The following SLC66A1 variants were observed in gnomAD, a reference collection of about 807,000 sequenced individuals.
SLC66A1 encodes lysosomal amino acid transporter 1 homolog.
In SLC66A1, 23 loss-of-function variants were observed where a neutral mutation model predicts 33.0. The ratio of observed to expected loss-of-function variants is 0.70; its 90% CI spans 0.50 to 0.99. The LOEUF is 0.99. Ranked by LOEUF, SLC66A1 falls within the 50% of genes least tolerant of loss-of-function variation. The probability of loss-of-function intolerance (pLI) is 0.00; values close to 1 mark genes in which losing one functional copy is unlikely to be tolerated. For missense variants in SLC66A1, 335 were observed against 383.6 expected (o/e 0.87, Z 1.06); for synonymous variants, 164 against 175.5 (o/e 0.93, Z 0.52).
Position 19,327,413 on chromosome 1 carries a change from G to C in SLC66A1, c.804+1G>C. 6.3e-7 allele frequency: 1 copy of C among 1,586,362 alleles called. No homozygotes were observed. ...GGGCGTGCTGCTGCTCGACACCATC[G>C]TATCCTTCAGGGCGTGTGGGGCAGG... On this transcript the variant is annotated splice_donor_variant, in intron 7 of 7. Coordinates refer to ENST00000375153, the MANE Select transcript of SLC66A1 (RefSeq NM_001040125.2). LOFTEE classifies it high-confidence loss of function.
intron 1 of SLC66A1, among the ~76,000 whole-genome samples, chr1:19,315,605 A>T (rs1329017443): frequency 3.3e-5 from 5 of 152,218 alleles, no homozygotes; most frequent in Non-Finnish European, 5.9e-5. Flanking sequence ...GAATGAAGGC[A>T]GCTAGAGACA....
Position 19,328,030 on chromosome 1 carries a change from C to A in SLC66A1, c.805-542C>A, listed in dbSNP as rs1436010856. On this transcript the variant is annotated intron_variant, in intron 7 of 7. Transcript: ENST00000375153. The surrounding 1 kb of genome is among the most constrained non-coding windows in gnomAD (Gnocchi z 4.7). ...TCACCTCAGTTAACAGCCACTGTCT[C>A]GTCAGGATGTTGTGTAAGATGAGGT... 1 of 245,936 alleles carries A rather than the reference C, an allele frequency of 4.1e-6. No individual in the cohort carries two copies. Among genetic ancestry groups the A allele is most frequent in the Non-Finnish European group, 8.1e-6 (1 of 123,252 alleles). The allele number at this position is 245,936 out of a possible 1,614,324, so 15.2% of individuals were successfully genotyped here.
At chr1:19,320,506 C>T (rs1219328406) in intron 2 of SLC66A1, among the ~76,000 whole-genome samples, 7 of 149,360 alleles carry the variant, frequency 4.7e-5, no homozygotes, top group Non-Finnish European at 8.9e-5. Context: ...CTCTGCCTTC[C>T]GGGTTCACGC....
chr1:19,327,194 C>T (rs370657973), intron 6 of SLC66A1, 33 bp from the exon 7 acceptor site: 38 of 1,564,478 alleles, frequency 2.4e-5, no homozygotes, highest in African/African-American at 9.5e-5. Flanking sequence ...GAGGCCTGTT[C>T]GAGGTCTCTG....
chr1:19,326,225 T>TC lies in SLC66A1; in HGVS notation c.383-15dup. On this transcript the variant is annotated intron_variant, in intron 4 of 7. Transcript: ENST00000375153. ...GCCACTCAGCCATCTAACCTCAGCT[T>TC]CCCCCTGCCTTGTGTGCAGTGTCTG... is the stretch of plus-strand genomic sequence containing the variant. 1 of 1,587,058 alleles carries TC rather than the reference T, an allele frequency of 6.3e-7. No individual in the cohort carries two copies. The highest frequency in any genetic ancestry group is 8.6e-7 in the Non-Finnish European group (1 of 1,169,548).
chr1:19,326,267 G>C lies in SLC66A1; in HGVS notation c.405G>C (p.Val135=). ...CAGTGTCTGCCCCCATCAACTCCGT[G>C]CTGTTGTTCCTCATGGGGATGGCGT... The part of the protein sequence containing the change: ...PSLLSAPINS[V]LLFLMGMACA... Residue 135 remains valine (V), a synonymous_variant, in exon 5 of 8, where the codon GTG becomes GTC. Coordinates refer to ENST00000375153, the MANE Select transcript of SLC66A1 (RefSeq NM_001040125.2). The C allele has an allele frequency of 6.2e-7, 1 of 1,606,022 alleles. No individual in the cohort carries two copies. The highest frequency in any genetic ancestry group is 2.2e-5 in the East Asian group (1 of 44,872).
In SLC66A1 at chr1:19,312,372, G is replaced by A. The variant is rs930411235; in HGVS notation, c.-596G>A. 3 of 243,648 alleles carry A rather than the reference G, an allele frequency of 1.2e-5. 1 individual carries two copies. The highest frequency in any genetic ancestry group is 2.3e-5 in the Non-Finnish European group (3 of 129,370). 15.1% of individuals were successfully genotyped at this position (243,648 alleles called of 1,614,324 possible). On this transcript the variant is annotated 5_prime_UTR_variant, in exon 1 of 8. Coordinates refer to ENST00000375153, the MANE Select transcript of SLC66A1 (RefSeq NM_001040125.2). ...GATCTGGACGTGGTGAGCCGGACCGGGGGCAGGTGGCAAACTTCACGGCTG... is the reference window on the plus strand; with the variant it reads ...GATCTGGACGTGGTGAGCCGGACCGAGGGCAGGTGGCAAACTTCACGGCTG...
At chr1:19,325,631 G>T (rs775455428) in intron 4 of SLC66A1, 49 bp downstream of exon 4, 1 of 1,063,688 alleles carries the variant, frequency 9.4e-7, no homozygotes, top group Non-Finnish European at 1.4e-6. Context: ...GCAGCAGGGG[G>T]CAGTTGTGGG....
chr1:19,327,143 G>T, intron 6 of SLC66A1, 84 bp from the exon 7 acceptor site: 1 of 1,330,104 alleles, frequency 7.5e-7, no homozygotes, highest in Admixed American at 1.8e-5. Context: ...CACTGTGGTG[G>T]GGCAGGTGGA....
chr1:19,326,889 T>C (rs1421411178), intron 6 of SLC66A1, among the ~76,000 whole-genome samples: 1 of 151,332 alleles, frequency 6.6e-6, no homozygotes, highest in Non-Finnish European at 1.5e-5. Flanking sequence ...GGTGAGGGGC[T>C]GAGCTTGGAG....
Position 19,328,987 on chromosome 1 carries a change from T to C in SLC66A1, c.*344T>C. 2.8e-6 allele frequency: 1 copy of C among 355,948 alleles called. No homozygotes were observed. The highest frequency in any genetic ancestry group is 5.2e-6 in the Non-Finnish European group (1 of 192,656). The allele number at this position is 355,948 out of a possible 1,614,324, so 22.0% of individuals were successfully genotyped here. A position where few individuals can be genotyped will look rare whatever the true frequency, so the allele number is the denominator to read the frequency against. ...AACTGAATAAACAGGCCGGGTACAG[T>C]GGCTCGCACCTGTAATCCTAGCACT... On this transcript the variant is annotated 3_prime_UTR_variant, in exon 8 of 8. Transcript: ENST00000375153. This position sits in a 1 kb window ranked among gnomAD's most constrained non-coding sequence, Gnocchi z 4.7.
intron 4 of SLC66A1, 55 bp downstream of exon 4, chr1:19,325,637 GT>G (rs66513267): frequency 0.064 from 44,044 of 684,232 alleles, 65 homozygotes; most frequent in East Asian, 0.17. Flanking sequence ...GGGGGCAGTT[GT>G]GGGGGGGGGC....
intron 3 of SLC66A1, 146 bp downstream of exon 3, chr1:19,324,908 T>TGG: frequency 8.5e-7 from 1 of 1,178,036 alleles, no homozygotes; most frequent in Non-Finnish European, 1.2e-6. Context: ...CCCATCCTTC[T>TGG]GTCTGCCGAA....
intron 3 of SLC66A1, 46 bp downstream of exon 3, chr1:19,324,808 C>T: frequency 1.2e-6 from 2 of 1,604,498 alleles, no homozygotes; most frequent in Non-Finnish European, 1.7e-6. Flanking sequence ...AACCCTGCTT[C>T]ACCCTGCAGG....
At chr1:19,320,974 A>T (rs144547615) in intron 2 of SLC66A1, among the ~76,000 whole-genome samples, 1 of 149,436 alleles carries the variant, frequency 6.7e-6, no homozygotes, top group Non-Finnish European at 1.5e-5. Context: ...CAGCCTCCCA[A>T]AGTGCTGAGA....
At position 19,317,684 on chromosome 1, in the gene SLC66A1, T is replaced by C. The variant is rs2093812955; in HGVS notation, c.7T>C (p.Trp3Arg). MV[W>R]KKLGSRNFSS... Reference sequence around the variant, plus strand: ...GGGCCCCTCCTCCACAGCCATGGTCTGGAAGAAACTGGGCTCCCGCAACTT... The same window carrying C: ...GGGCCCCTCCTCCACAGCCATGGTCCGGAAGAAACTGGGCTCCCGCAACTT... The change falls in exon 2 of 8, where the codon TGG (tryptophan) becomes CGG (arginine). Residue 3 changes from tryptophan to arginine, a missense_variant. Physicochemically the swap from Trp to Arg is moderately radical, Grantham distance 101. Coordinates refer to ENST00000375153, the MANE Select transcript of SLC66A1 (RefSeq NM_001040125.2). The C allele has an allele frequency of 3.7e-6, 6 of 1,613,940 alleles. No homozygotes were observed. Among genetic ancestry groups the C allele is most frequent in the Non-Finnish European group, 5.1e-6 (6 of 1,179,942 alleles).
Position 19,327,449 on chromosome 1 carries a change from T to A in SLC66A1, c.804+37T>A, listed in dbSNP as rs376137364. On this transcript the variant is annotated intron_variant, in intron 7 of 7. Coordinates refer to ENST00000375153, the MANE Select transcript of SLC66A1 (RefSeq NM_001040125.2). ...GGCGTGTGGGGCAGGTGGCGGGGTG[T>A]GGGCAAGGAAGCTTCTGCCTGCACA... 6.4e-6 allele frequency: 10 copies of A among 1,567,032 alleles called. No homozygotes were observed. In the African/African-American group the frequency reaches 1.2e-4, roughly 19 times the overall value.
chr1:19,332,215 C>G (rs1437909275), downstream of SLC66A1, among the ~76,000 whole-genome samples: 1 of 152,202 alleles, frequency 6.6e-6, no homozygotes, highest in Non-Finnish European at 1.5e-5. Context: ...GGAGCACAGA[C>G]TTTGTGTCCT....
At chr1:19,321,663 C>T (rs1304600684) in intron 2 of SLC66A1, among the ~76,000 whole-genome samples, 5 of 149,004 alleles carry the variant, frequency 3.4e-5, no homozygotes, top group African/African-American at 7.7e-5. Context: ...TCCTCTTGGG[C>T]TGAAGTGATT....
Sources: gnomAD v4.1 joint callset for allele counts (sites outside exome capture counted in the v4.1 genomes callset) on GRCh38, gnomAD v4.1.1 for gene constraint, Gnocchi (gnomAD v3.1) non-coding constraint, MANE v1.5 for transcripts, NCBI Gene and HGNC (gene_info 2026-07-23, HGNC 2026-07-21) for gene names.